The following IDH1 variants were observed in gnomAD, a reference collection of about 807,000 sequenced individuals.
The protein encoded by IDH1 is isocitrate dehydrogenase (NADP(+)) 1, also known as isocitrate dehydrogenase [NADP] cytoplasmic.
A neutral mutation model predicts 46.1 loss-of-function variants in IDH1; 33 were observed. That is an observed-to-expected ratio of 0.72 (90% CI 0.54 to 0.96). The LOEUF is 0.96. Ranked by LOEUF, IDH1 falls within the 40% of genes least tolerant of loss-of-function variation. The probability of loss-of-function intolerance (pLI) is 0.00; values close to 1 mark genes in which losing one functional copy is unlikely to be tolerated. For synonymous variants in IDH1, 144 were observed against 172.8 expected (o/e 0.83, Z 1.31); for missense variants, 421 against 515.7 (o/e 0.82, Z 1.78).
chr2:208,238,385 G>T (rs959034090), intron 9 of IDH1, among the ~76,000 whole-genome samples: 4 of 152,162 alleles, frequency 2.6e-5, no homozygotes, highest in African/African-American at 9.7e-5. Context: ...CAGTGACCAA[G>T]TATATCCCCA....
At chr2:208,240,091 T>C in intron 7 of IDH1, 88 bp from the exon 8 acceptor site, 1 of 1,405,754 alleles carries the variant, frequency 7.1e-7, no homozygotes, top group Non-Finnish European at 1.0e-6. Context: ...GACTCAATCT[T>C]GATAGGTCTT....
At chr2:208,240,512 C>T (rs975712486) in intron 7 of IDH1, among the ~76,000 whole-genome samples, 8 of 151,998 alleles carry the variant, frequency 5.3e-5, no homozygotes, top group African/African-American at 1.2e-4. Context: ...TAAAGATGGA[C>T]GAGAGCTGTC....
intron 9 of IDH1, among the ~76,000 whole-genome samples, chr2:208,238,415 T>C (rs1406655832): frequency 6.6e-6 from 1 of 152,220 alleles, no homozygotes; most frequent in Non-Finnish European, 1.5e-5. Flanking sequence ...ATACTGACCC[T>C]ACCTGGGACC....
intron 6 of IDH1, among the ~76,000 whole-genome samples, chr2:208,243,158 C>A (rs1438575780): frequency 6.6e-6 from 1 of 152,230 alleles, no homozygotes; most frequent in Non-Finnish European, 1.5e-5. Flanking sequence ...TTATCACTAA[C>A]AGCGTACGTT....
rs767630531 is a variant in IDH1 at position 208,242,094 on chromosome 2, G to A, written c.750C>T (p.Leu250=). The A allele has an allele frequency of 2.2e-5, 36 of 1,613,726 alleles. No homozygotes were observed. Among genetic ancestry groups the A allele is most frequent in the Non-Finnish European group, 3.1e-5 (36 of 1,179,900 alleles). The change falls in exon 7 of 10, where the codon CTC becomes CTT. Residue 250 remains leucine (L), a synonymous_variant. Transcript: ENST00000345146. ...EAQKIWYEHR[L]IDDMVAQAMK... is the part of the protein sequence containing the mutation. ...TAGCTTGGGCCACCATGTCGTCGAT[G>A]AGCCTATGCTCATACCAGATCTTTT...
chr2:208,239,999 A>T lies in IDH1; in HGVS notation c.855T>A (p.Tyr285Ter), dbSNP rs754088842. The change falls in exon 8 of 10, where the codon TAT becomes TAA. Residue 285 changes from tyrosine to a stop codon, truncating the protein, a stop_gained. Transcript: ENST00000345146. LOFTEE classifies it high-confidence loss of function. Reference sequence around the variant, plus strand: ...CGCTGGTCATCATGCCGAGAGAGCCATACCCTGTAAGTAGTGGAGCATGAA... The same window carrying T: ...CGCTGGTCATCATGCCGAGAGAGCCTTACCCTGTAAGTAGTGGAGCATGAA... Reference protein sequence around the residue: ...DVQSDSVAQGYGSLGMMTSVL... With the variant: ...DVQSDSVAQG The T allele has an allele frequency of 6.2e-7, 1 of 1,614,222 alleles. No homozygotes were observed. The highest frequency in any genetic ancestry group is 1.7e-5 in the Admixed American group (1 of 60,024).
At chr2:208,240,983 C>G (rs148981307) in intron 7 of IDH1, among the ~76,000 whole-genome samples, 1 of 152,262 alleles carries the variant, frequency 6.6e-6, no homozygotes, top group Non-Finnish European at 1.5e-5. Flanking sequence ...AGTAGTACTT[C>G]TTGGGAAAAA....
In IDH1 at chr2:208,245,594, T is replaced by G. The variant is rs376394192; in HGVS notation, c.415-170A>C. Among the ~76,000 whole-genome samples the G allele has an allele frequency of 5.9e-4, 83 of 140,316 alleles. 3 individuals are homozygous for G. The East Asian group carries it at 0.016, about 27-fold the overall frequency. 92.1% of individuals were successfully genotyped at this position (140,316 alleles called of 152,430 possible). On this transcript the variant is annotated intron_variant, in intron 4 of 9. Coordinates refer to ENST00000345146, the MANE Select transcript of IDH1 (RefSeq NM_005896.4). ...AGATGGGGATGAAGAGGTCCAGACA[T>G]TCCCCTAAATCAGTAAATATTTATT...
intron 9 of IDH1, among the ~76,000 whole-genome samples, chr2:208,237,401 A>G (rs1452470580): frequency 1.3e-5 from 2 of 152,154 alleles, no homozygotes; most frequent in Non-Finnish European, 2.9e-5. Flanking sequence ...AGACAGCCAT[A>G]CATACTCAGT....
At chr2:208,239,303 T>C (rs545308124) in intron 8 of IDH1, 70 bp from the exon 9 acceptor site, 4 of 1,517,414 alleles carry the variant, frequency 2.6e-6, no homozygotes, top group Non-Finnish European at 3.6e-6. Flanking sequence ...TGTCTCATAG[T>C]TCCCCAAAAC....
At chr2:208,244,092 C>T (rs1323898245) in intron 5 of IDH1, among the ~76,000 whole-genome samples, 1 of 152,190 alleles carries the variant, frequency 6.6e-6, no homozygotes, top group Non-Finnish European at 1.5e-5. Flanking sequence ...TTGGTGATTA[C>T]GTGAGTTCTC....
chr2:208,251,368 A>G, intron 3 of IDH1, 62 bp downstream of exon 3: 1 of 1,594,766 alleles, frequency 6.3e-7, no homozygotes. Context: ...TCACGTGTGC[A>G]CCACCATGCC....
In IDH1 at chr2:208,236,956, C is replaced by A; in HGVS notation, c.*123G>T. 1.5e-6 allele frequency: 1 copy of A among 657,438 alleles called. No individual in the cohort carries two copies. Among genetic ancestry groups the A allele is most frequent in the Non-Finnish European group, 2.7e-6 (1 of 369,492 alleles). The allele number at this position is 657,438 out of a possible 1,614,324, so 40.7% of individuals were successfully genotyped here. A position where few individuals can be genotyped will look rare whatever the true frequency, so the allele number is the denominator to read the frequency against. ...GCTGTAAACTTATAGAAAAGATAAA[C>A]TCTGGCTTCTAAACAAATTACAAAA... On this transcript the variant is annotated 3_prime_UTR_variant, in exon 10 of 10. Transcript: ENST00000345146.
At position 208,243,669 on chromosome 2, in the gene IDH1, G is replaced by A. The variant is rs936494850; in HGVS notation, c.521-65C>T. ...AATAAATGTAATGTAGTTGTAATAAGGCTAAAATCACCCACCACAACCAAA... is the reference window on the plus strand; with the variant it reads ...AATAAATGTAATGTAGTTGTAATAAAGCTAAAATCACCCACCACAACCAAA... On this transcript the variant is annotated intron_variant, in intron 5 of 9. Coordinates refer to ENST00000345146, the MANE Select transcript of IDH1 (RefSeq NM_005896.4). The A allele has an allele frequency of 1.4e-5, 18 of 1,330,378 alleles. No homozygotes were observed. The South Asian group carries it at 2.1e-4, about 16-fold the overall frequency. The allele number at this position is 1,330,378 out of a possible 1,614,324, so 82.4% of individuals were successfully genotyped here.
chr2:208,242,839 A>G (rs1687945988), intron 6 of IDH1, among the ~76,000 whole-genome samples: 1 of 149,378 alleles, frequency 6.7e-6, no homozygotes, highest in Admixed American at 6.8e-5. Context: ...ATTTCGGCTC[A>G]CTGCAACCTC....
Position 208,249,301 on chromosome 2 carries a change from C to T in IDH1, c.123-641G>A, listed in dbSNP as rs1022783397. 5.9e-5 allele frequency among the ~76,000 whole-genome samples: 9 copies of T among 152,020 alleles called. No individual in the cohort carries two copies. In the South Asian group the frequency reaches 6.2e-4, roughly 10 times the overall value. On this transcript the variant is annotated intron_variant, in intron 3 of 9. Coordinates refer to ENST00000345146, the MANE Select transcript of IDH1 (RefSeq NM_005896.4). The stretch of plus-strand genomic sequence containing the variant: ...CCTTCCTGGGTTCAAGTGATTCCCC[C>T]GCCTCAGCCTCCCCAGTAGCGGGGA...
intron 3 of IDH1, among the ~76,000 whole-genome samples, chr2:208,249,857 C>A (rs1157965031): frequency 6.6e-6 from 1 of 152,152 alleles, no homozygotes; most frequent in South Asian, 2.1e-4. Flanking sequence ...TGATCCAATC[C>A]CAACTCCAAC....
In IDH1 at chr2:208,236,718, C is replaced by T; in HGVS notation, c.*361G>A. ...GAAGGCAGTGAATTTCTACTTTATG[C>T]ATATTTTAGGGAGCAATACTGTGGC... On this transcript the variant is annotated 3_prime_UTR_variant, in exon 10 of 10. Transcript: ENST00000345146. The T allele has an allele frequency of 3.3e-6, 1 of 301,864 alleles. No homozygotes were observed. The highest frequency in any genetic ancestry group is 6.2e-5 in the South Asian group (1 of 16,166). The allele number at this position is 301,864 out of a possible 1,614,324, so 18.7% of individuals were successfully genotyped here.
At chr2:208,251,652 A>G (rs768868629) in intron 2 of IDH1, 85 bp from the exon 3 acceptor site, 6 of 1,060,100 alleles carry the variant, frequency 5.7e-6, no homozygotes, top group Non-Finnish European at 8.5e-6. Flanking sequence ...TATATAAACA[A>G]CGTAGTGACT....
Sources: allele counts gnomAD v4.1 joint callset (sites outside exome capture counted in the v4.1 genomes callset), GRCh38; gene constraint gnomAD v4.1.1; transcripts MANE v1.5; gene names NCBI Gene and HGNC (gene_info 2026-07-23, HGNC 2026-07-21).